CNTN6: variants seen among roughly 807,000 people sequenced by gnomAD.
CNTN6 encodes contactin 6.
A neutral mutation model predicts 122.8 loss-of-function variants in CNTN6; 137 were observed. The ratio of observed to expected loss-of-function variants is 1.12; its 90% CI spans 0.97 to 1.29. The LOEUF is 1.29. Ranked by LOEUF, CNTN6 falls within the 50% of genes most tolerant of loss-of-function variation. CNTN6 has a pLI of 0.00. For missense variants in CNTN6, 1,634 were observed against 1,223.4 expected, an observed-to-expected ratio of 1.34 and a Z score of -5.01; for synonymous variants, 570 against 426.0, an observed-to-expected ratio of 1.34 and a Z score of -4.16.
intron 20 of CNTN6, among the ~76,000 whole-genome samples, chr3:1,389,446 C>G (rs554750157): frequency 1.3e-5 from 2 of 151,896 alleles, no homozygotes; most frequent in East Asian, 1.9e-4. Flanking sequence ...CGGTACCAGC[C>G]GCTGCAAAAT....
At chr3:1,173,712 G>A (rs924495943) in intron 2 of CNTN6, among the ~76,000 whole-genome samples, 5 of 151,396 alleles carry the variant, frequency 3.3e-5, no homozygotes, top group Admixed American at 6.6e-5. Flanking sequence ...CTTCAATGAC[G>A]TGAAAATTGG....
intron 2 of CNTN6, among the ~76,000 whole-genome samples, chr3:1,207,037 G>T (rs76859790): frequency 0.042 from 6,383 of 152,074 alleles, 434 homozygotes; most frequent in African/African-American, 0.15. Flanking sequence ...ATCTTCAAAT[G>T]CATATACCTT....
intron 20 of CNTN6, among the ~76,000 whole-genome samples, chr3:1,391,993 T>C (rs1388331803): frequency 6.6e-6 from 1 of 152,148 alleles, no homozygotes; most frequent in Admixed American, 6.5e-5. Context: ...AGGTAATTTA[T>C]AGATTTAATG....
intron 16 of CNTN6, among the ~76,000 whole-genome samples, chr3:1,374,871 A>C (rs745915713): frequency 2.0e-5 from 3 of 152,132 alleles, no homozygotes; most frequent in Non-Finnish European, 4.4e-5. Context: ...TATGTTTATC[A>C]TAGAATTGGG....
intron 4 of CNTN6, among the ~76,000 whole-genome samples, chr3:1,268,256 G>C (rs1465010158): frequency 2.0e-5 from 3 of 152,108 alleles, no homozygotes; most frequent in Non-Finnish European, 4.4e-5. Flanking sequence ...AGGCAGTGAG[G>C]GTCACTAACC....
At chr3:1,161,666 G>A (rs953860888) in intron 2 of CNTN6, among the ~76,000 whole-genome samples, 1 of 151,244 alleles carries the variant, frequency 6.6e-6, no homozygotes, top group Non-Finnish European at 1.5e-5. Context: ...TTTATTAGTG[G>A]AAGTATGCCA....
intron 2 of CNTN6, among the ~76,000 whole-genome samples, chr3:1,198,551 G>A (rs1004710516): frequency 1.3e-5 from 2 of 151,830 alleles, no homozygotes; most frequent in Non-Finnish European, 2.9e-5. Context: ...GGTGAAACCC[G>A]ATCTCTACTA....
chr3:1,385,758 C>T lies in CNTN6; in HGVS notation c.2665C>T (p.Pro889Ser), dbSNP rs778554523. 2.4e-5 allele frequency: 39 copies of T among 1,612,954 alleles called. 1 individual carries two copies. Among genetic ancestry groups the T allele is most frequent in the Non-Finnish European group, 3.0e-5 (35 of 1,179,616 alleles). Residue 889 changes from proline to serine, a missense_variant, in exon 20 of 23, where the codon CCC (proline) becomes TCC (serine). Transcript: ENST00000446702. ...VRAYNTAGTGPSSPPVNVTTK... is the reference protein window; with the variant it reads ...VRAYNTAGTGSSSPPVNVTTK... ...AGCTTACAACACTGCTGGGACAGGG[C>T]CCTCAAGCCCCCCAGTCAATGTTAC...
chr3:1,348,763 C>G (rs879829217), intron 11 of CNTN6, among the ~76,000 whole-genome samples: 1 of 151,788 alleles, frequency 6.6e-6, no homozygotes, highest in East Asian at 1.9e-4. Flanking sequence ...TAGTGGGTAC[C>G]TTGAGTCACT....
chr3:1,402,293 T>G (rs1213516123), intron 21 of CNTN6, 25 bp from the exon 22 acceptor site: 1 of 1,590,070 alleles, frequency 6.3e-7, no homozygotes, highest in South Asian at 1.1e-5. Context: ...ATGTCCATGT[T>G]AACTTGATAC....
chr3:1,133,634 G>A (rs1183774235), intron 1 of CNTN6, among the ~76,000 whole-genome samples: 1 of 149,816 alleles, frequency 6.7e-6, no homozygotes, highest in Admixed American at 6.7e-5. Context: ...GCCAGTCAGT[G>A]ACTTTATTTT....
chr3:1,376,996 T>A lies in CNTN6; in HGVS notation c.2096-9T>A. On this transcript the variant is annotated splice_polypyrimidine_tract_variant and intron_variant, in intron 16 of 22. Transcript: ENST00000446702. ...ATTGCCATCCCACATTTCTCTTGGT[T>A]ATTTTTAGTCCCTGTTGTGGCACCA... 6.3e-7 allele frequency: 1 copy of A among 1,582,370 alleles called. No homozygotes were observed. The highest frequency in any genetic ancestry group is 8.6e-7 in the Non-Finnish European group (1 of 1,162,852).
intron 11 of CNTN6, among the ~76,000 whole-genome samples, chr3:1,342,065 C>T (rs1464779978): frequency 1.3e-5 from 2 of 151,820 alleles, no homozygotes; most frequent in African/African-American, 4.8e-5. Context: ...ATATGTATTT[C>T]TCGATTTTGT....
chr3:1,227,925 T>G lies in CNTN6; in HGVS notation c.290T>G (p.Met97Arg). 3 of 1,614,092 alleles carry G rather than the reference T, an allele frequency of 1.9e-6. No individual in the cohort carries two copies. Among genetic ancestry groups the G allele is most frequent in the Non-Finnish European group, 2.5e-6 (3 of 1,179,984 alleles). ...NSPHTDQDIG[M>R]YQCLATNLLG... is the part of the protein sequence containing the mutation. Reference sequence around the variant, plus strand: ...CCCCACACAGATCAAGATATTGGCATGTACCAGTGCCTGGCCACCAATCTT... The same window carrying G: ...CCCCACACAGATCAAGATATTGGCAGGTACCAGTGCCTGGCCACCAATCTT... Residue 97 changes from methionine (M) to arginine (R), a missense_variant, in exon 4 of 23, where the codon ATG (methionine) becomes AGG (arginine). Physicochemically the swap from Met to Arg is moderately conservative, Grantham distance 91. Transcript: ENST00000446702.
At chr3:1,388,873 A>AAAAG (rs1196637718) in intron 20 of CNTN6, among the ~76,000 whole-genome samples, 1 of 140,094 alleles carries the variant, frequency 7.1e-6, no homozygotes, top group African/African-American at 2.7e-5. Flanking sequence ...AAAAAGAATA[A>AAAAG]AAAGAAACGA....
At chr3:1,245,940 A>G (rs1259670568) in intron 4 of CNTN6, among the ~76,000 whole-genome samples, 3 of 152,082 alleles carry the variant, frequency 2.0e-5, no homozygotes, top group Non-Finnish European at 2.9e-5. Flanking sequence ...AAAAAATCTC[A>G]TAACGTTTTA....
chr3:1,196,230 T>C (rs1426816507), intron 2 of CNTN6, among the ~76,000 whole-genome samples: 2 of 152,206 alleles, frequency 1.3e-5, no homozygotes, highest in Non-Finnish European at 2.9e-5. Context: ...CCTTCTTTAG[T>C]GTAGTAATCT....
At chr3:1,299,805 C>T (rs1267217752) in intron 7 of CNTN6, among the ~76,000 whole-genome samples, 2 of 152,132 alleles carry the variant, frequency 1.3e-5, no homozygotes, top group Admixed American at 6.6e-5. Context: ...TGTTAGCAAA[C>T]GTGCTTATAA....
At chr3:1,353,788 A>C (rs937541629) in intron 12 of CNTN6, among the ~76,000 whole-genome samples, 2 of 151,702 alleles carry the variant, frequency 1.3e-5, no homozygotes, top group Non-Finnish European at 3.0e-5. Context: ...GAAGATTAAA[A>C]TGTGGTGAAG....
Sources: gnomAD v4.1 joint callset for allele counts (sites outside exome capture counted in the v4.1 genomes callset) on GRCh38, gnomAD v4.1.1 for gene constraint, MANE v1.5 for transcripts, NCBI Gene and HGNC (gene_info 2026-07-23, HGNC 2026-07-21) for gene names.